The following ANKS1B variants were observed in gnomAD, a reference collection of about 807,000 sequenced individuals.
ANKS1B encodes the protein ankyrin repeat and sterile alpha motif domain containing 1B.
A neutral mutation model predicts 148.3 loss-of-function variants in ANKS1B; 36 were observed. The ratio of observed to expected loss-of-function variants is 0.24; its 90% CI spans 0.19 to 0.32. ANKS1B has a LOEUF of 0.32. Ranked by LOEUF, ANKS1B falls within the 10% of genes least tolerant of loss-of-function variation. The pLI, the probability that ANKS1B is intolerant of heterozygous loss-of-function variation, is 1.00. For synonymous variants in ANKS1B, 542 were observed against 560.8 expected (o/e 0.97, Z 0.47); for missense variants, 1,157 against 1,542.6 (o/e 0.75, Z 4.19).
intron 16 of ANKS1B, among the ~76,000 whole-genome samples, chr12:99,067,707 T>C (rs1376944304): frequency 6.6e-6 from 1 of 152,220 alleles, no homozygotes; most frequent in Non-Finnish European, 1.5e-5. Flanking sequence ...TTATCCTATT[T>C]TGAAGCCCTG....
intron 15 of ANKS1B, among the ~76,000 whole-genome samples, chr12:99,126,522 C>T (rs761571072): frequency 1.3e-5 from 2 of 152,078 alleles, no homozygotes; most frequent in Non-Finnish European, 2.9e-5. Flanking sequence ...TTACCCTGCT[C>T]TGAATCACTG....
intron 17 of ANKS1B, among the ~76,000 whole-genome samples, chr12:98,959,826 C>T (rs2099868261): frequency 6.6e-6 from 1 of 152,176 alleles, no homozygotes. Flanking sequence ...CTTGAGTGAA[C>T]ACTGGTGGTA....
At chr12:99,155,941 T>A (rs1481231686) in intron 14 of ANKS1B, among the ~76,000 whole-genome samples, 1 of 152,186 alleles carries the variant, frequency 6.6e-6, no homozygotes, top group African/African-American at 2.4e-5. Context: ...AAGCACAGAT[T>A]GAGAACAGTG....
At chr12:99,502,325 C>A (rs2096663785) in intron 10 of ANKS1B, among the ~76,000 whole-genome samples, 1 of 152,112 alleles carries the variant, frequency 6.6e-6, no homozygotes, top group Non-Finnish European at 1.5e-5. Context: ...AGCCTGGGGT[C>A]AGCATTGTTT....
At chr12:99,137,883 C>G (rs966873621) in intron 15 of ANKS1B, among the ~76,000 whole-genome samples, 1 of 151,966 alleles carries the variant, frequency 6.6e-6, no homozygotes, top group Non-Finnish European at 1.5e-5. Flanking sequence ...TGGAGCCTTG[C>G]CTGATTCACT....
At chr12:98,804,416 C>T (rs2099033328) in intron 20 of ANKS1B, among the ~76,000 whole-genome samples, 1 of 118,020 alleles carries the variant, frequency 8.5e-6, no homozygotes, top group Non-Finnish European at 1.8e-5. Flanking sequence ...CCCACCCCTG[C>T]CTATTTTTTT....
intron 9 of ANKS1B, among the ~76,000 whole-genome samples, chr12:99,518,663 T>A (rs2096846033): frequency 1.3e-5 from 2 of 152,076 alleles, no homozygotes; most frequent in African/African-American, 4.8e-5. Flanking sequence ...AATGTTTATC[T>A]TTTCAAAAAA....
At position 99,216,315 on chromosome 12, in the gene ANKS1B, TC is replaced by T. The variant is rs1448821003; in HGVS notation, c.2419+28026del. ...TCTTCATAGCAGTATGAAAATGGAG[TC>T]ATACACCCTGGGACCCTGGGCATAT... On this transcript the variant is annotated intron_variant, in intron 14 of 26. Transcript: ENST00000683438. 5.1e-4 allele frequency among the ~76,000 whole-genome samples: 78 copies of T among 152,044 alleles called. 1 individual carries two copies. Among genetic ancestry groups the T allele is most frequent in the Non-Finnish European group, 1.0e-3 (68 of 68,024 alleles).
At chr12:99,709,963 C>A (rs991921828) in intron 8 of ANKS1B, among the ~76,000 whole-genome samples, 1 of 152,120 alleles carries the variant, frequency 6.6e-6, no homozygotes, top group African/African-American at 2.4e-5. Context: ...CAACCAAGCC[C>A]AATTTCTTAC....
At position 98,780,988 on chromosome 12, in the gene ANKS1B, A is replaced by T. The variant is rs1416784599; in HGVS notation, c.3441+129T>A. On this transcript the variant is annotated intron_variant, in intron 24 of 26. Transcript: ENST00000683438. ...GCGTGTATCTATAGGTATATGTAGGAAGCATGAAGGTTGGGGGAAAGGGAT... is the reference window on the plus strand; with the variant it reads ...GCGTGTATCTATAGGTATATGTAGGTAGCATGAAGGTTGGGGGAAAGGGAT... 3 of 615,304 alleles carry T rather than the reference A, an allele frequency of 4.9e-6. No individual in the cohort carries two copies. The Admixed American group carries it at 8.7e-5, about 18-fold the overall frequency. 38.1% of individuals were successfully genotyped at this position (615,304 alleles called of 1,614,324 possible).
chr12:99,794,460 T>TACACACACACACAC (rs148663206), intron 4 of ANKS1B, among the ~76,000 whole-genome samples: 13,133 of 143,428 alleles, frequency 0.092, 885 homozygotes, highest in East Asian at 0.35. Flanking sequence ...GAAAATGTGG[T>TACACACACACACAC]ACACACACAC....
In ANKS1B at chr12:98,744,026, A is replaced by AATG; in HGVS notation, c.*1710_*1712dup. The stretch of plus-strand genomic sequence containing the variant: ...TGTGCTTTTTTTATAGGATATAAAT[A>AATG]ATGACAAAAATTACAAAATTTATAA... On this transcript the variant is annotated 3_prime_UTR_variant, in exon 27 of 27. Coordinates refer to ENST00000683438, the MANE Select transcript of ANKS1B (RefSeq NM_001352186.2). The AATG allele has an allele frequency of 1.0e-6, 1 of 983,788 alleles. No individual in the cohort carries two copies. The highest frequency in any genetic ancestry group is 1.2e-6 in the Non-Finnish European group (1 of 828,398). 60.9% of individuals were successfully genotyped at this position (983,788 alleles called of 1,614,324 possible). A position where few individuals can be genotyped will look rare whatever the true frequency, so the allele number is the denominator to read the frequency against.
intron 15 of ANKS1B, among the ~76,000 whole-genome samples, chr12:99,117,884 T>C (rs2061784121): frequency 6.6e-6 from 1 of 152,232 alleles, no homozygotes; most frequent in African/African-American, 2.4e-5. Flanking sequence ...AAATTGTTAT[T>C]GGTCTATTCA....
intron 25 of ANKS1B, among the ~76,000 whole-genome samples, chr12:98,753,287 T>C (rs988686970): frequency 2.6e-5 from 4 of 152,138 alleles, no homozygotes; most frequent in African/African-American, 7.2e-5. Flanking sequence ...AACCATCACA[T>C]TGTCTGACCC....
intron 12 of ANKS1B, among the ~76,000 whole-genome samples, chr12:99,323,202 T>C: frequency 6.6e-6 from 1 of 152,218 alleles, no homozygotes; most frequent in East Asian, 1.9e-4. Context: ...GTTGTGTATC[T>C]GTTCTATTAT....
At chr12:99,795,723 C>A (rs2066167954) in intron 4 of ANKS1B, among the ~76,000 whole-genome samples, 1 of 151,936 alleles carries the variant, frequency 6.6e-6, no homozygotes, top group Non-Finnish European at 1.5e-5. Context: ...ATTCCAAGCA[C>A]CCCAGTGGAT....
At chr12:99,513,226 T>G (rs1182608896) in intron 9 of ANKS1B, among the ~76,000 whole-genome samples, 3 of 152,018 alleles carry the variant, frequency 2.0e-5, no homozygotes, top group Non-Finnish European at 4.4e-5. Flanking sequence ...TAATTAGGTA[T>G]GTACTCTTTT....
At chr12:99,844,939 G>GGTC (rs2086384286) in intron 1 of ANKS1B, among the ~76,000 whole-genome samples, 1 of 152,048 alleles carries the variant, frequency 6.6e-6, no homozygotes, top group Admixed American at 6.6e-5. Flanking sequence ...TTTTTAAAGA[G>GGTC]GTCCTTCACT....
At chr12:99,593,364 T>C (rs1485955622) in intron 9 of ANKS1B, among the ~76,000 whole-genome samples, 1 of 152,134 alleles carries the variant, frequency 6.6e-6, no homozygotes, top group East Asian at 1.9e-4. Context: ...AGTCAGAATC[T>C]TGTGATTCTG....
Sources: allele counts gnomAD v4.1 joint callset (sites outside exome capture counted in the v4.1 genomes callset), GRCh38; gene constraint gnomAD v4.1.1; transcripts MANE v1.5; gene names NCBI Gene and HGNC (gene_info 2026-07-23, HGNC 2026-07-21).